The following SOX5 variants were observed in gnomAD, a reference collection of about 807,000 sequenced individuals.
SOX5 encodes SRY-box transcription factor 5.
In SOX5, 9 loss-of-function variants were observed where a neutral mutation model predicts 92.0. The observed-to-expected ratio is 0.10, with a 90% CI of 0.06 to 0.17. The LOEUF (loss-of-function observed/expected upper bound fraction) is 0.17. SOX5 is among the 10% of genes least tolerant of loss of function. SOX5 has a pLI of 1.00. For missense variants in SOX5, 642 were observed against 944.5 expected, an observed-to-expected ratio of 0.68 and a Z score of 4.20; for synonymous variants, 344 against 336.3, an observed-to-expected ratio of 1.02 and a Z score of -0.25.
At chr12:24,431,999 T>A (rs1938433541) in intron 1 of SOX5, among the ~76,000 whole-genome samples, 1 of 152,102 alleles carries the variant, frequency 6.6e-6, no homozygotes, top group Admixed American at 6.5e-5. Context: ...AGAGGAAAAT[T>A]ATTCCACTCT....
chr12:24,474,599 G>A (rs1384980365), intron 1 of SOX5, among the ~76,000 whole-genome samples: 1 of 147,854 alleles, frequency 6.8e-6, no homozygotes, highest in African/African-American at 2.5e-5. Context: ...GCAGTGGCGT[G>A]ATCTCAGTTC....
At chr12:24,101,087 C>A (rs1946040769) in intron 4 of SOX5, among the ~76,000 whole-genome samples, 1 of 152,116 alleles carries the variant, frequency 6.6e-6, no homozygotes, top group African/African-American at 2.4e-5. Context: ...TTTAAGAAAT[C>A]AATGAGCTTC....
chr12:23,608,050 G>T lies in SOX5; in HGVS notation c.1018-3517C>A, dbSNP rs971612720. On this transcript the variant is annotated intron_variant, in intron 8 of 14. Coordinates refer to ENST00000451604, the MANE Select transcript of SOX5 (RefSeq NM_006940.6). ...TTTGGGAGGCAGAGACAGGAGGACT[G>T]CTTGAGCCTGGGAGTTTGAGACCAG... 2.1e-5 allele frequency among the ~76,000 whole-genome samples: 3 copies of T among 142,598 alleles called. No homozygotes were observed. The East Asian group carries it at 6.3e-4, about 30-fold the overall frequency. The allele number at this position is 142,598 out of a possible 152,430, so 93.5% of individuals were successfully genotyped here.
chr12:23,920,759 T>C (rs1937975533), intron 1 of SOX5: 1 of 152,176 alleles, frequency 6.6e-6, no homozygotes, highest in South Asian at 2.1e-4. Context: ...GAATTTTCCA[T>C]AGTTACTTAA....
rs796118679 is a variant in SOX5, at chr12:23,715,810, A to C, written c.810+18874T>G. On this transcript the variant is annotated intron_variant, in intron 6 of 14. Coordinates refer to ENST00000451604, the MANE Select transcript of SOX5 (RefSeq NM_006940.6). ...TCTAAGGAAAGAGTAGTAATTTCCC[A>C]AAAAAAAAAAAAAAAAAAAAAAACT... is the stretch of plus-strand genomic sequence containing the variant. Among the ~76,000 whole-genome samples the C allele has an allele frequency of 1.4e-4, 11 of 78,190 alleles. No homozygotes were observed. The South Asian group carries it at 1.4e-3, about 10-fold the overall frequency. The allele number at this position is 78,190 out of a possible 152,430, so 51.3% of individuals were successfully genotyped here. A position where few individuals can be genotyped will look rare whatever the true frequency, so the allele number is the denominator to read the frequency against.
intron 1 of SOX5, among the ~76,000 whole-genome samples, chr12:24,374,248 C>G (rs2136290555): frequency 6.6e-6 from 1 of 152,062 alleles, no homozygotes; most frequent in South Asian, 2.1e-4. Context: ...TGTGGGCTGA[C>G]AGTCCTCTTT....
chr12:24,114,336 G>A (rs1276398669), intron 4 of SOX5, among the ~76,000 whole-genome samples: 2 of 151,934 alleles, frequency 1.3e-5, no homozygotes, highest in Admixed American at 6.6e-5. Context: ...CAGCACTTCT[G>A]GAGGCTGAAG....
At chr12:24,326,425 G>T (rs1047648886) in intron 2 of SOX5, among the ~76,000 whole-genome samples, 6 of 145,936 alleles carry the variant, frequency 4.1e-5, no homozygotes, top group African/African-American at 1.5e-4. Context: ...AAACCTTTAT[G>T]ACTCTTACAT....
chr12:24,060,226 G>C (rs923373586), intron 4 of SOX5, among the ~76,000 whole-genome samples: 1 of 152,182 alleles, frequency 6.6e-6, no homozygotes, highest in Non-Finnish European at 1.5e-5. Context: ...CTTCACAATA[G>C]CACTATGAAG....
At chr12:23,833,187 G>A (rs1236187799) in intron 3 of SOX5, among the ~76,000 whole-genome samples, 1 of 151,972 alleles carries the variant, frequency 6.6e-6, no homozygotes, top group African/African-American at 2.4e-5. Flanking sequence ...TGCTACCTCT[G>A]AGGGAAGCTT....
intron 2 of SOX5, among the ~76,000 whole-genome samples, chr12:24,331,815 T>A (rs1261024683): frequency 1.8e-5 from 2 of 110,396 alleles, no homozygotes; most frequent in Non-Finnish European, 1.7e-5. Context: ...GCCACTGCAC[T>A]CCAACCAGCC....
intron 11 of SOX5, among the ~76,000 whole-genome samples, chr12:23,558,132 G>A (rs918755549): frequency 1.3e-5 from 2 of 152,094 alleles, no homozygotes; most frequent in African/African-American, 2.4e-5. Context: ...GCTGACAATC[G>A]CCTGTTCCTA....
At chr12:24,201,815 T>A (rs908542753) in intron 4 of SOX5, among the ~76,000 whole-genome samples, 5 of 152,186 alleles carry the variant, frequency 3.3e-5, no homozygotes, top group African/African-American at 1.2e-4. Flanking sequence ...ACCGATACTG[T>A]GCCCCTTACT....
chr12:23,988,965 G>A (rs1485495869), intron 4 of SOX5, among the ~76,000 whole-genome samples: 1 of 152,164 alleles, frequency 6.6e-6, no homozygotes, highest in Non-Finnish European at 1.5e-5. Flanking sequence ...AGAGTTATAT[G>A]ATGTGCCAGC....
At chr12:23,668,189 T>C (rs2084155271) in intron 6 of SOX5, among the ~76,000 whole-genome samples, 1 of 152,198 alleles carries the variant, frequency 6.6e-6, no homozygotes, top group African/African-American at 2.4e-5. Context: ...TGGCTGCGAA[T>C]TCAATGTTAA....
At chr12:24,395,904 CTCTG>C (rs1461956689) in intron 1 of SOX5, among the ~76,000 whole-genome samples, 1 of 152,324 alleles carries the variant, frequency 6.6e-6, no homozygotes, top group East Asian at 1.9e-4. Context: ...CCCCTGACAT[CTCTG>C]TCTGGCCTGC....
At chr12:24,163,668 C>A (rs79736744) in intron 4 of SOX5, among the ~76,000 whole-genome samples, 1 of 151,890 alleles carries the variant, frequency 6.6e-6, no homozygotes, top group Non-Finnish European at 1.5e-5. Context: ...CATAGGACTT[C>A]AAAATGTTTT....
At chr12:23,866,282 T>C (rs781290301) in intron 2 of SOX5, among the ~76,000 whole-genome samples, 7 of 152,290 alleles carry the variant, frequency 4.6e-5, no homozygotes, top group Non-Finnish European at 8.8e-5. Context: ...ATTTGGGCTA[T>C]GAAAAAAGAT....
At chr12:24,272,726 G>A (rs1004684354) in intron 3 of SOX5, among the ~76,000 whole-genome samples, 1 of 152,020 alleles carries the variant, frequency 6.6e-6, no homozygotes, top group Non-Finnish European at 1.5e-5. Flanking sequence ...TATATTAAAT[G>A]ATTACATGAT....
Sources: allele counts gnomAD v4.1 joint callset (sites outside exome capture counted in the v4.1 genomes callset), GRCh38; gene constraint gnomAD v4.1.1; transcripts MANE v1.5; gene names NCBI Gene and HGNC (gene_info 2026-07-23, HGNC 2026-07-21).